Variants in LMBRD2 observed in about 807,000 individuals in gnomAD.
LMBRD2 encodes the protein G protein-coupled receptor-associated protein LMBRD2.
Under a neutral mutation model 94.4 loss-of-function variants are expected in LMBRD2, and 55 were observed. The ratio of observed to expected loss-of-function variants is 0.58; its 90% CI spans 0.47 to 0.73. The LOEUF (loss-of-function observed/expected upper bound fraction) is 0.73. Among genes scored for constraint, LMBRD2 ranks in the 30% least tolerant of loss-of-function variants. The pLI is 0.00. For synonymous variants in LMBRD2, 246 were observed against 272.4 expected, an observed-to-expected ratio of 0.90 and a Z score of 0.95; for missense variants, 640 against 831.9, an observed-to-expected ratio of 0.77 and a Z score of 2.84.
chr5:36,115,247 T>C (rs1443081317), intron 11 of LMBRD2, 127 bp from the exon 12 acceptor site: 2 of 555,294 alleles, frequency 3.6e-6, no homozygotes, highest in Non-Finnish European at 3.1e-6. Flanking sequence ...TTGCTTTATA[T>C]ATATATTGAA....
At chr5:36,115,346 G>A (rs1368367540) in intron 11 of LMBRD2, among the ~76,000 whole-genome samples, 1 of 152,106 alleles carries the variant, frequency 6.6e-6, no homozygotes, top group East Asian at 1.9e-4. Context: ...CAAGCTCCTT[G>A]CTTTTATGGT....
Position 36,108,614 on chromosome 5 carries a change from T to C in LMBRD2, c.1817A>G (p.Asn606Ser). ...RREWKERYGH[N>S]REDSTRNRNI... ...TCTGTTCCTAGTGGAATCTTCTCTA[T>C]TGTGTCCATAACGTTCTTTCCATTC... Residue 606 changes from asparagine to serine, a missense_variant, in exon 16 of 18, where the codon AAT becomes AGT. Physicochemically the swap from Asn to Ser is conservative, Grantham distance 46. Around this residue, in one of 2 missense-constraint regions of LMBRD2, gnomAD observed 183 missense variants for 189.1 expected, o/e 0.97. Transcript: ENST00000296603. The C allele has an allele frequency of 5.7e-6, 9 of 1,579,264 alleles. No individual in the cohort carries two copies. The highest frequency in any genetic ancestry group is 7.8e-6 in the Non-Finnish European group (9 of 1,156,344).
intron 7 of LMBRD2, among the ~76,000 whole-genome samples, chr5:36,123,521 A>G (rs896764425): frequency 6.6e-6 from 1 of 152,008 alleles, no homozygotes; most frequent in African/African-American, 2.4e-5. Flanking sequence ...GCCAAACAGA[A>G]CACTACACAA....
intron 4 of LMBRD2, among the ~76,000 whole-genome samples, chr5:36,140,176 A>C (rs1484920930): frequency 6.6e-6 from 1 of 152,186 alleles, no homozygotes; most frequent in African/African-American, 2.4e-5. Flanking sequence ...AGCTGCTTGC[A>C]GTGCATCTGA....
At chr5:36,125,499 CAATA>C (rs1333683303) in intron 6 of LMBRD2, among the ~76,000 whole-genome samples, 2 of 151,958 alleles carry the variant, frequency 1.3e-5, no homozygotes, top group East Asian at 1.9e-4. Flanking sequence ...TACAATTGGC[CAATA>C]AATGTCTAAA....
At position 36,101,210 on chromosome 5, in the gene LMBRD2, G is replaced by C. The variant is rs1254792851; in HGVS notation, c.*2836C>G. 1 of 151,594 alleles carries C rather than the reference G, an allele frequency of 6.6e-6. No homozygotes were observed. Among genetic ancestry groups the C allele is most frequent in the African/African-American group, 2.4e-5 (1 of 41,350 alleles). The allele number at this position is 151,594 out of a possible 1,614,324, so 9.4% of individuals were successfully genotyped here. ...AATAATTAAACTTATTCTTTCTTTT[G>C]TTTTTTACAAAAATGCTCTATTGAT... On this transcript the variant is annotated 3_prime_UTR_variant, in exon 18 of 18. Transcript: ENST00000296603.
chr5:36,110,010 T>A lies in LMBRD2; in HGVS notation c.1745-19A>T. On this transcript the variant is annotated intron_variant, in intron 14 of 17. Transcript: ENST00000296603. ...CTCTTCTCTAAAGACAGAAAAATGATCTCAAATATGGCATAACATGGTTTA... is the reference window on the plus strand; with the variant it reads ...CTCTTCTCTAAAGACAGAAAAATGAACTCAAATATGGCATAACATGGTTTA... 2 of 1,596,590 alleles carry A rather than the reference T, an allele frequency of 1.3e-6. No homozygotes were observed. The highest frequency in any genetic ancestry group is 1.7e-6 in the Non-Finnish European group (2 of 1,165,854).
chr5:36,134,587 C>T (rs1323098762), intron 6 of LMBRD2, among the ~76,000 whole-genome samples: 4 of 152,056 alleles, frequency 2.6e-5, no homozygotes, highest in African/African-American at 9.7e-5. Flanking sequence ...GCAGGGAGAA[C>T]ACCATGTGAA....
intron 1 of LMBRD2, among the ~76,000 whole-genome samples, chr5:36,148,441 T>G (rs1744606079): frequency 6.6e-6 from 1 of 152,096 alleles, no homozygotes; most frequent in Non-Finnish European, 1.5e-5. Flanking sequence ...GAACTAAAAT[T>G]TTACTGAATT....
At chr5:36,149,379 A>G (rs891403890) in intron 1 of LMBRD2, among the ~76,000 whole-genome samples, 1 of 152,254 alleles carries the variant, frequency 6.6e-6, no homozygotes, top group East Asian at 1.9e-4. Flanking sequence ...GAAAAGTCCA[A>G]TATAGTACAG....
intron 4 of LMBRD2, among the ~76,000 whole-genome samples, chr5:36,139,492 C>A (rs1201317480): frequency 3.3e-5 from 5 of 152,234 alleles, no homozygotes; most frequent in Admixed American, 3.3e-4. Flanking sequence ...CAGGGACAGC[C>A]TGAAGCATGG....
rs1205278849 is a variant in LMBRD2 at position 36,101,567 on chromosome 5, T to C, written c.*2479A>G. 6.6e-6 allele frequency: 1 copy of C among 152,008 alleles called. No individual in the cohort carries two copies. The highest frequency in any genetic ancestry group is 1.5e-5 in the Non-Finnish European group (1 of 67,878). The allele number at this position is 152,008 out of a possible 1,614,324, so 9.4% of individuals were successfully genotyped here. On this transcript the variant is annotated 3_prime_UTR_variant, in exon 18 of 18. Coordinates refer to ENST00000296603, the MANE Select transcript of LMBRD2 (RefSeq NM_001007527.2). ...AAAACTTCTACCCATTACAGTTTTT[T>C]ACACAGGGTGGCTTGACAAATATTA...
chr5:36,143,816 C>T (rs1390225130), intron 1 of LMBRD2, among the ~76,000 whole-genome samples: 1 of 151,770 alleles, frequency 6.6e-6, no homozygotes, highest in African/African-American at 2.4e-5. Context: ...TAGTAAAATA[C>T]ATTTTACTAA....
intron 6 of LMBRD2, among the ~76,000 whole-genome samples, chr5:36,133,219 A>T (rs1744194412): frequency 6.6e-6 from 1 of 152,158 alleles, no homozygotes; most frequent in South Asian, 2.1e-4. Context: ...CTATTCAGCC[A>T]TTAAAAAGAA....
In LMBRD2 at chr5:36,104,005, G is replaced by A. The variant is rs767621645; in HGVS notation, c.*41C>T. Reference sequence around the variant, plus strand: ...AGATGTTCATCAAGACTGAACTGATGTGTTGACCTTGGTTAGTGGTCCCAC... The same window carrying A: ...AGATGTTCATCAAGACTGAACTGATATGTTGACCTTGGTTAGTGGTCCCAC... On this transcript the variant is annotated 3_prime_UTR_variant, in exon 18 of 18. Coordinates refer to ENST00000296603, the MANE Select transcript of LMBRD2 (RefSeq NM_001007527.2). 3.7e-5 allele frequency: 52 copies of A among 1,403,824 alleles called. No individual in the cohort carries two copies. Among genetic ancestry groups the A allele is most frequent in the Non-Finnish European group, 4.9e-5 (49 of 992,894 alleles). 87.0% of individuals were successfully genotyped at this position (1,403,824 alleles called of 1,614,324 possible). A position where few individuals can be genotyped will look rare whatever the true frequency, so the allele number is the denominator to read the frequency against.
At position 36,101,559 on chromosome 5, in the gene LMBRD2, C is replaced by T. The variant is rs1231239256; in HGVS notation, c.*2487G>A. 1.3e-5 allele frequency: 2 copies of T among 151,936 alleles called. No individual in the cohort carries two copies. The highest frequency in any genetic ancestry group is 2.9e-5 in the Non-Finnish European group (2 of 67,862). 9.4% of individuals were successfully genotyped at this position (151,936 alleles called of 1,614,324 possible). ...CAAAAGAGAAAACTTCTACCCATTA[C>T]AGTTTTTTACACAGGGTGGCTTGAC... On this transcript the variant is annotated 3_prime_UTR_variant, in exon 18 of 18. Transcript: ENST00000296603.
intron 6 of LMBRD2, among the ~76,000 whole-genome samples, chr5:36,128,398 A>C (rs1280892066): frequency 1.3e-5 from 2 of 152,216 alleles, no homozygotes; most frequent in Non-Finnish European, 2.9e-5. Flanking sequence ...AAGCCCATCC[A>C]GAAAAACATG....
rs1743797057 is a variant in LMBRD2 at position 36,117,918 on chromosome 5, T to C, written c.1121-2A>G. ...GCAAAAGACATTCCCAGTACCATTC[T>C]AGAAGACAAAAGAAAAAAATGATTA... is the stretch of plus-strand genomic sequence containing the variant. On this transcript the variant is annotated splice_acceptor_variant, in intron 9 of 17. Coordinates refer to ENST00000296603, the MANE Select transcript of LMBRD2 (RefSeq NM_001007527.2). LOFTEE classifies it high-confidence loss of function. 6.3e-7 allele frequency: 1 copy of C among 1,586,980 alleles called. No homozygotes were observed. Among genetic ancestry groups the C allele is most frequent in the African/African-American group, 1.4e-5 (1 of 73,134 alleles).
At chr5:36,113,110 GA>G (rs1743651760) in intron 13 of LMBRD2, among the ~76,000 whole-genome samples, 1 of 152,110 alleles carries the variant, frequency 6.6e-6, no homozygotes, top group Admixed American at 6.5e-5. Context: ...GGCAGAAATG[GA>G]ATCCACAGGC....
Sources: gnomAD v4.1 joint callset for allele counts (sites outside exome capture counted in the v4.1 genomes callset) on GRCh38, gnomAD v4.1.1 for gene constraint, gnomAD v4.1.1 regional missense constraint, MANE v1.5 for transcripts, NCBI Gene and HGNC (gene_info 2026-07-23, HGNC 2026-07-21) for gene names.